Variants in ELOVL6 observed in about 807,000 individuals in gnomAD.
ELOVL6 encodes ELOVL fatty acid elongase 6.
ELOVL6 carries 8 observed loss-of-function variants against 31.7 expected under a neutral mutation model. The observed-to-expected ratio is 0.25, with a 90% CI of 0.15 to 0.45. The LOEUF (loss-of-function observed/expected upper bound fraction) is 0.45, where lower values mean the gene tolerates loss of function less well. ELOVL6 is among the 20% of genes least tolerant of loss of function. The pLI, the probability that ELOVL6 is intolerant of heterozygous loss-of-function variation, is 1.00. For synonymous variants in ELOVL6, 101 were observed against 117.7 expected (o/e 0.86, Z 0.92); for missense variants, 126 against 326.4 (o/e 0.39, Z 4.73).
chr4:110,172,775 T>C (rs1027601414), intron 1 of ELOVL6, among the ~76,000 whole-genome samples: 1 of 152,250 alleles, frequency 6.6e-6, no homozygotes, highest in African/African-American at 2.4e-5. Context: ...TTTTTTACTG[T>C]AAACTCTGCT....
intron 2 of ELOVL6, among the ~76,000 whole-genome samples, chr4:110,085,436 A>C (rs1005114675): frequency 1.3e-5 from 2 of 152,244 alleles, no homozygotes; most frequent in Admixed American, 1.3e-4. Context: ...AGGCACAATT[A>C]AGAAATGCAT....
At position 110,174,292 on chromosome 4, in the gene ELOVL6, T is replaced by C. The variant is rs141638975; in HGVS notation, c.89+23955A>G. On this transcript the variant is annotated intron_variant, in intron 1 of 3. Coordinates refer to ENST00000302274, the MANE Select transcript of ELOVL6 (RefSeq NM_024090.3). ...GATTCTCCTGCCTCAGCCTCCTGAG[T>C]ACCTGAGATTACAGGCCCATCCCAC... Among the ~76,000 whole-genome samples, 1,146 of 151,842 alleles carry C rather than the reference T, an allele frequency of 7.5e-3. 7 individuals carry two copies. The highest frequency in any genetic ancestry group is 0.014 in the Middle Eastern group (4 of 294).
intron 2 of ELOVL6, among the ~76,000 whole-genome samples, chr4:110,090,607 T>TC (rs1372473902): frequency 1.8e-5 from 2 of 111,382 alleles, no homozygotes; most frequent in East Asian, 4.1e-4. Context: ...TTTCTTTTTT[T>TC]TTTTTTTTTT....
chr4:110,172,152 G>C (rs1381282401), intron 1 of ELOVL6, among the ~76,000 whole-genome samples: 2 of 152,112 alleles, frequency 1.3e-5, no homozygotes, highest in East Asian at 3.9e-4. Context: ...GGGGAGAGCA[G>C]GTAGTCTTGG....
chr4:110,164,236 T>C (rs1758706511), intron 1 of ELOVL6, among the ~76,000 whole-genome samples: 1 of 152,124 alleles, frequency 6.6e-6, no homozygotes, highest in South Asian at 2.1e-4. Flanking sequence ...ACCAAGTCAT[T>C]AAGTAGCAAA....
intron 2 of ELOVL6, among the ~76,000 whole-genome samples, chr4:110,094,443 A>ATAAATAAT (rs1470574642): frequency 1.7e-5 from 1 of 59,402 alleles, no homozygotes; most frequent in Non-Finnish European, 3.0e-5. Context: ...ATATATATAT[A>ATAAATAAT]ATATATATAA....
rs539314901 is a variant in ELOVL6, at chr4:110,053,861, C to G, written c.374-2099G>C. 2.6e-5 allele frequency among the ~76,000 whole-genome samples: 4 copies of G among 152,206 alleles called. No individual in the cohort carries two copies. In the South Asian group the frequency reaches 8.3e-4, roughly 32 times the overall value. ...GGCTGAGGCAGGAGAATGGCATGAA[C>G]CCGGGAGGTGGAGTTTGCAGTGAGC... is the stretch of plus-strand genomic sequence containing the variant. On this transcript the variant is annotated intron_variant, in intron 3 of 3. Transcript: ENST00000302274.
chr4:110,198,754 T>C (rs1054861692), upstream of ELOVL6: 1 of 168,420 alleles, frequency 5.9e-6, no homozygotes, highest in Admixed American at 5.7e-5. Flanking sequence ...GACAGTTTTG[T>C]TTACAGCGAA....
At chr4:110,137,437 C>A (rs1757841389) in intron 1 of ELOVL6, among the ~76,000 whole-genome samples, 1 of 152,164 alleles carries the variant, frequency 6.6e-6, no homozygotes, top group South Asian at 2.1e-4. Flanking sequence ...GGGACAAACT[C>A]ACTTCCTACT....
chr4:110,071,622 C>T (rs62325296), intron 2 of ELOVL6, among the ~76,000 whole-genome samples: 5 of 151,954 alleles, frequency 3.3e-5, no homozygotes, highest in East Asian at 1.9e-4. Context: ...CTGGCTCCCC[C>T]TCTCCCGCCC....
At chr4:110,122,161 A>G (rs1223575162) in intron 1 of ELOVL6, among the ~76,000 whole-genome samples, 1 of 152,192 alleles carries the variant, frequency 6.6e-6, no homozygotes, top group Non-Finnish European at 1.5e-5. Flanking sequence ...CTGATATAGA[A>G]AAACTGTTGA....
At chr4:110,083,956 A>T (rs1291763217) in intron 2 of ELOVL6, among the ~76,000 whole-genome samples, 1 of 2,520 alleles carries the variant, frequency 4.0e-4, no homozygotes, top group African/African-American at 1.7e-3. Context: ...CATGTTATAT[A>T]TGATATATAT....
chr4:110,133,573 C>A (rs1482217183), intron 1 of ELOVL6, among the ~76,000 whole-genome samples: 8 of 152,024 alleles, frequency 5.3e-5, no homozygotes, highest in African/African-American at 1.4e-4. Context: ...GTCAAGGGAG[C>A]CTGAGAGGAC....
chr4:110,100,329 G>A (rs1756706163), intron 2 of ELOVL6, among the ~76,000 whole-genome samples: 1 of 152,136 alleles, frequency 6.6e-6, no homozygotes, highest in Non-Finnish European at 1.5e-5. Flanking sequence ...CTTATGATAG[G>A]TTTCAATAAA....
intron 2 of ELOVL6, among the ~76,000 whole-genome samples, chr4:110,071,170 G>A (rs950124822): frequency 6.6e-6 from 1 of 152,076 alleles, no homozygotes; most frequent in Admixed American, 6.5e-5. Flanking sequence ...CATAAGCTCC[G>A]GCTCTTCCAT....
intron 1 of ELOVL6, among the ~76,000 whole-genome samples, chr4:110,182,112 A>G (rs2126278137): frequency 6.6e-6 from 1 of 152,306 alleles, no homozygotes; most frequent in African/African-American, 2.4e-5. Context: ...TCTGTATTAG[A>G]TTAGATGACT....
At chr4:110,188,944 A>G (rs1237200054) in intron 1 of ELOVL6, among the ~76,000 whole-genome samples, 1 of 151,858 alleles carries the variant, frequency 6.6e-6, no homozygotes, top group African/African-American at 2.4e-5. Flanking sequence ...TCAGGTAACC[A>G]TGTATTAACT....
chr4:110,065,964 C>G (rs1167287131), intron 2 of ELOVL6, among the ~76,000 whole-genome samples: 2 of 152,050 alleles, frequency 1.3e-5, no homozygotes, highest in African/African-American at 2.4e-5. Context: ...TCTTTTAATT[C>G]TGAAATGCTA....
In ELOVL6 at chr4:110,047,295, C is replaced by A. The variant is rs1754718932; in HGVS notation, c.*4043G>T. 1 of 150,864 alleles carries A rather than the reference C, an allele frequency of 6.6e-6. No homozygotes were observed. The highest frequency in any genetic ancestry group is 1.5e-5 in the Non-Finnish European group (1 of 67,900). The allele number at this position is 150,864 out of a possible 1,614,324, so 9.3% of individuals were successfully genotyped here. ...CTCCTCACAGCCTCTTGAATCAGAC[C>A]TTGGCCAATCCAGTTACTCTGTTAA... On this transcript the variant is annotated 3_prime_UTR_variant, in exon 4 of 4. Coordinates refer to ENST00000302274, the MANE Select transcript of ELOVL6 (RefSeq NM_024090.3).
Sources: gnomAD v4.1 joint callset for allele counts (sites outside exome capture counted in the v4.1 genomes callset) on GRCh38, gnomAD v4.1.1 for gene constraint, MANE v1.5 for transcripts, NCBI Gene and HGNC (gene_info 2026-07-23, HGNC 2026-07-21) for gene names.